The following VCF1 variants were observed in gnomAD, a reference collection of about 807,000 sequenced individuals.
VCF1 encodes the protein protein VCF1.
chr17:73,229,867 CAAAAAAAAAAA>C, the VCF1 span, among the ~76,000 whole-genome samples: 38 of 22,624 alleles, frequency 1.7e-3, 1 homozygote, highest in East Asian at 0.012. Flanking sequence ...GACTCCATCT[CAAAAAAAAAAA>C]AAAAAAAAAA....
At chr17:73,208,115 T>A in the VCF1 span, 2 of 1,457,212 alleles carry the variant, frequency 1.4e-6, no homozygotes, top group Non-Finnish European at 1.8e-6. Context: ...TTCCAAATTC[T>A]AGTTTTGTCA....
At chr17:73,221,188 G>T in the VCF1 span, among the ~76,000 whole-genome samples, 2 of 226 alleles carry the variant, frequency 8.8e-3, no homozygotes, top group South Asian at 0.17. Flanking sequence ...TGAGCCACCG[G>T]GCCCCAGCCA....
chr17:73,227,243 G>C, the VCF1 span: 2 of 1,566,326 alleles, frequency 1.3e-6, no homozygotes, highest in Non-Finnish European at 1.7e-6. Flanking sequence ...TGTCTTCTTC[G>C]TTGCCATTCC....
At chr17:73,220,304 C>A in the VCF1 span, among the ~76,000 whole-genome samples, 6 of 152,178 alleles carry the variant, frequency 3.9e-5, no homozygotes, top group South Asian at 1.2e-3. Flanking sequence ...ATAAATGGAT[C>A]CCCTGGTTCT....
the VCF1 span, chr17:73,208,557 C>CTGA: frequency 1.5e-6 from 2 of 1,372,348 alleles, no homozygotes; most frequent in African/African-American, 1.4e-5. Flanking sequence ...TCCAGTTTCA[C>CTGA]TGATGGAATG....
At chr17:73,212,613 C>T in the VCF1 span, 2 of 1,345,488 alleles carry the variant, frequency 1.5e-6, no homozygotes, top group Non-Finnish European at 2.1e-6. Context: ...TGTAGAATGG[C>T]CACTTGCACC....
At chr17:73,221,774 G>A in the VCF1 span, among the ~76,000 whole-genome samples, 3 of 151,902 alleles carry the variant, frequency 2.0e-5, no homozygotes, top group East Asian at 1.9e-4. Flanking sequence ...GGTGGCTCAC[G>A]CCTGTAATCC....
chr17:73,230,662 G>A, the VCF1 span, among the ~76,000 whole-genome samples: 2 of 152,290 alleles, frequency 1.3e-5, no homozygotes, highest in East Asian at 3.9e-4. Flanking sequence ...TTCCCAAAGT[G>A]CTGGGATTAC....
the VCF1 span, chr17:73,229,180 T>A: frequency 1.0e-6 from 1 of 985,430 alleles, no homozygotes; most frequent in Non-Finnish European, 1.2e-6. Flanking sequence ...GAATAATCTC[T>A]TTGGCCTGTT....
At chr17:73,208,093 G>T in the VCF1 span, 1 of 1,440,392 alleles carries the variant, frequency 6.9e-7, no homozygotes, top group Non-Finnish European at 9.1e-7. Flanking sequence ...CTTTTCCCAA[G>T]ACAGTCCTCA....
chr17:73,211,494 G>A, the VCF1 span, among the ~76,000 whole-genome samples: 2 of 151,836 alleles, frequency 1.3e-5, no homozygotes, highest in Admixed American at 1.3e-4. Context: ...CTTGAACCTG[G>A]GGGGTGGAGG....
At chr17:73,230,103 C>T in the VCF1 span, among the ~76,000 whole-genome samples, 1 of 151,958 alleles carries the variant, frequency 6.6e-6, no homozygotes, top group Non-Finnish European at 1.5e-5. Flanking sequence ...TCAAGACCAG[C>T]CTGGGCAATA....
the VCF1 span, among the ~76,000 whole-genome samples, chr17:73,224,935 CACAGCACAGCACAGCACAGGACAGG>C: frequency 1.7e-5 from 2 of 117,044 alleles, no homozygotes; most frequent in East Asian, 2.4e-4. Flanking sequence ...GACAGGACAG[CACAGCACAGCACAGCACAGGACAGG>C]ACAGCACAGC....
the VCF1 span, chr17:73,207,496 C>A: frequency 1.6e-5 from 10 of 629,420 alleles, no homozygotes; most frequent in South Asian, 1.7e-5. Flanking sequence ...AGAAAATATA[C>A]AGGACAGGGT....
At chr17:73,208,676 ATC>A in the VCF1 span, 1 of 585,938 alleles carries the variant, frequency 1.7e-6, no homozygotes, top group Non-Finnish European at 3.1e-6. Flanking sequence ...CTTACATTTT[ATC>A]AGCGTTCAAC....
chr17:73,214,690 A>T, the VCF1 span, among the ~76,000 whole-genome samples: 2 of 152,220 alleles, frequency 1.3e-5, no homozygotes, highest in Admixed American at 1.3e-4. Flanking sequence ...TTAATATCAG[A>T]TTGCTTGAGG....
the VCF1 span, among the ~76,000 whole-genome samples, chr17:73,217,959 G>C: frequency 1.3e-5 from 2 of 152,228 alleles, no homozygotes; most frequent in Non-Finnish European, 2.9e-5. Flanking sequence ...GCGACAGAGC[G>C]AGACTCTACC....
At chr17:73,230,798 T>C in the VCF1 span, among the ~76,000 whole-genome samples, 1 of 152,230 alleles carries the variant, frequency 6.6e-6, no homozygotes. Flanking sequence ...ATAACTTCTT[T>C]AAAACATGTT....
At chr17:73,220,341 G>A in the VCF1 span, among the ~76,000 whole-genome samples, 4 of 151,956 alleles carry the variant, frequency 2.6e-5, no homozygotes, top group East Asian at 1.9e-4. Context: ...TCACACTTCC[G>A]CATTCCCACT....
Sources: allele counts gnomAD v4.1 joint callset (sites outside exome capture counted in the v4.1 genomes callset), GRCh38; gene constraint gnomAD v4.1.1; transcripts MANE v1.5; gene names NCBI Gene and HGNC (gene_info 2026-07-23, HGNC 2026-07-21).